The following CCSER2 variants were observed in gnomAD, a reference collection of about 807,000 sequenced individuals.
CCSER2 encodes the protein serine-rich coiled-coil domain-containing protein 2.
In CCSER2, 46 loss-of-function variants were observed where a neutral mutation model predicts 92.3. The observed-to-expected ratio is 0.50, with a 90% CI of 0.39 to 0.64. CCSER2 has a LOEUF of 0.64. CCSER2 is among the 30% of genes least tolerant of loss of function. The pLI is 0.00. For synonymous variants in CCSER2, 433 were observed against 431.4 expected (o/e 1.00, Z -0.04); for missense variants, 1,244 against 1,238.9 (o/e 1.00, Z -0.06).
chr10:84,368,989 T>C (rs1364675594), intron 1 of CCSER2, among the ~76,000 whole-genome samples: 1 of 152,196 alleles, frequency 6.6e-6, no homozygotes, highest in East Asian at 1.9e-4. Flanking sequence ...TCCATCTCCA[T>C]CCACGTTGCT....
chr10:84,370,383 T>C (rs1409975352), intron 1 of CCSER2, among the ~76,000 whole-genome samples: 3 of 152,122 alleles, frequency 2.0e-5, no homozygotes, highest in Non-Finnish European at 4.4e-5. Flanking sequence ...TTATTTTATT[T>C]TTTTGCAGCT....
Position 84,425,874 on chromosome 10 carries a change from G to A in CCSER2, c.1849G>A (p.Gly617Arg), listed in dbSNP as rs1456027647. 1 of 1,601,490 alleles carries A rather than the reference G, an allele frequency of 6.2e-7. No individual in the cohort carries two copies. Among genetic ancestry groups the A allele is most frequent in the Non-Finnish European group, 8.5e-7 (1 of 1,173,520 alleles). The change falls in exon 5 of 10, where the codon GGA (glycine) becomes AGA (arginine). Residue 617 changes from glycine (G) to arginine (R), a missense_variant. Physicochemically the swap from Gly to Arg is moderately radical, Grantham distance 125. Coordinates refer to ENST00000372088, the MANE Select transcript of CCSER2 (RefSeq NM_001284240.2). ...CCACCCTGACCACTATCATCACCAT[G>A]GAAAAAGTGACTTGAGCAGGTAAGT... The part of the protein sequence containing the change: ...LSHPDHYHHH[G>R]KSDLSRGSPY...
intron 8 of CCSER2, among the ~76,000 whole-genome samples, chr10:84,476,568 G>A (rs1158632463): frequency 2.7e-5 from 4 of 148,734 alleles, no homozygotes; most frequent in Admixed American, 6.9e-5. Flanking sequence ...CTCAGCCTCC[G>A]GAGTAGCTGG....
chr10:84,425,023 C>T (rs951242988), intron 4 of CCSER2: 3 of 981,336 alleles, frequency 3.1e-6, no homozygotes, highest in Admixed American at 6.2e-5. Flanking sequence ...AGTGAGTGCT[C>T]AGATATGTGA....
At chr10:84,417,684 A>T in intron 3 of CCSER2, 87 bp from the exon 4 acceptor site, 1 of 704,108 alleles carries the variant, frequency 1.4e-6, no homozygotes, top group Non-Finnish European at 2.6e-6. Flanking sequence ...TGAATTCAGG[A>T]TATCATATAG....
chr10:84,482,696 T>C (rs1322779154), intron 9 of CCSER2, among the ~76,000 whole-genome samples: 3 of 152,206 alleles, frequency 2.0e-5, no homozygotes, highest in African/African-American at 4.8e-5. Context: ...TCTGGACTCA[T>C]ACCTTCAAAT....
chr10:84,330,074 T>G (rs969897936), intron 1 of CCSER2, among the ~76,000 whole-genome samples: 11 of 152,342 alleles, frequency 7.2e-5, no homozygotes, highest in African/African-American at 2.6e-4. Flanking sequence ...ATTCTACCTT[T>G]CCACATTCAG....
In CCSER2 at chr10:84,456,396, G is replaced by A. The variant is rs527450172; in HGVS notation, c.2065-7537G>A. Among the ~76,000 whole-genome samples, 16 of 152,136 alleles carry A rather than the reference G, an allele frequency of 1.1e-4. No individual in the cohort carries two copies. The East Asian group carries it at 2.3e-3, about 22-fold the overall frequency. On this transcript the variant is annotated intron_variant, in intron 6 of 9. Coordinates refer to ENST00000372088, the MANE Select transcript of CCSER2 (RefSeq NM_001284240.2). ...AATGCAACTTGAAATATTCATTTAT[G>A]CTGTACCGTGTATTAGGAATTCGTT...
chr10:84,428,983 G>A (rs1024967535), intron 5 of CCSER2, among the ~76,000 whole-genome samples: 10 of 41,704 alleles, frequency 2.4e-4, no homozygotes, highest in Non-Finnish European at 5.6e-4. Context: ...GTGTGTGTAT[G>A]TGTATATATA....
chr10:84,453,010 T>G (rs1218817758), intron 6 of CCSER2, among the ~76,000 whole-genome samples: 2 of 152,206 alleles, frequency 1.3e-5, no homozygotes, highest in African/African-American at 4.8e-5. Context: ...ATGGAAATAA[T>G]AGCTTTTTTA....
chr10:84,498,336 T>G (rs1216533998), intron 9 of CCSER2, among the ~76,000 whole-genome samples: 2 of 152,226 alleles, frequency 1.3e-5, no homozygotes, highest in Non-Finnish European at 2.9e-5. Flanking sequence ...CAATGTTTTC[T>G]AAGCTGTTTT....
chr10:84,351,931 G>T (rs1844880950), intron 1 of CCSER2, among the ~76,000 whole-genome samples: 1 of 152,130 alleles, frequency 6.6e-6, no homozygotes, highest in South Asian at 2.1e-4. Flanking sequence ...ATTTCTTTTG[G>T]TACAGTGTTC....
intron 5 of CCSER2, among the ~76,000 whole-genome samples, chr10:84,432,214 G>A (rs545551648): frequency 6.6e-6 from 1 of 152,256 alleles, no homozygotes; most frequent in Non-Finnish European, 1.5e-5. Context: ...TGATGTGTCT[G>A]TTCAGATCTT....
intron 5 of CCSER2, among the ~76,000 whole-genome samples, chr10:84,428,359 A>G (rs796675768): frequency 3.9e-5 from 6 of 152,244 alleles, no homozygotes; most frequent in African/African-American, 1.4e-4. Flanking sequence ...TCGTGCTCCT[A>G]TGAGAATCTA....
At chr10:84,507,822 A>G (rs144409604) in intron 9 of CCSER2, among the ~76,000 whole-genome samples, 18 of 152,204 alleles carry the variant, frequency 1.2e-4, no homozygotes, top group South Asian at 4.2e-4. Flanking sequence ...GTTTCCCCCA[A>G]TGGGTCACTG....
chr10:84,436,700 TGAA>T (rs879466455), intron 5 of CCSER2, among the ~76,000 whole-genome samples: 2 of 150,898 alleles, frequency 1.3e-5, no homozygotes, highest in African/African-American at 2.4e-5. Context: ...GGGAAGAAGA[TGAA>T]GAATAAATAG....
intron 9 of CCSER2, 43 bp downstream of exon 9, chr10:84,477,707 A>AT: frequency 9.3e-7 from 1 of 1,070,810 alleles, no homozygotes; most frequent in Admixed American, 1.9e-5. Context: ...GTCATTTGCT[A>AT]TTTTGATGTT....
At chr10:84,411,882 G>A (rs1323523410) in intron 3 of CCSER2, among the ~76,000 whole-genome samples, 1 of 152,182 alleles carries the variant, frequency 6.6e-6, no homozygotes, top group East Asian at 1.9e-4. Flanking sequence ...TCCTTGTCTT[G>A]TGCTGGTTTT....
At chr10:84,436,341 AAAAAAAAAAAAAT>A (rs1844135432) in intron 5 of CCSER2, among the ~76,000 whole-genome samples, 3 of 137,204 alleles carry the variant, frequency 2.2e-5, no homozygotes, top group Non-Finnish European at 4.7e-5. Context: ...AAAAAAAAAA[AAAAAAAAAAAAAT>A]GCCGGGCGCG....
Sources: allele counts gnomAD v4.1 joint callset (sites outside exome capture counted in the v4.1 genomes callset), GRCh38; gene constraint gnomAD v4.1.1; transcripts MANE v1.5; gene names NCBI Gene and HGNC (gene_info 2026-07-23, HGNC 2026-07-21).